ZNF385D: variants seen among roughly 807,000 people sequenced by gnomAD.
ZNF385D encodes the protein zinc finger protein 385D.
A neutral mutation model predicts 35.8 loss-of-function variants in ZNF385D; 15 were observed. The ratio of observed to expected loss-of-function variants is 0.42; its 90% CI spans 0.28 to 0.64. The LOEUF is 0.64. Ranked by LOEUF, ZNF385D falls within the 30% of genes least tolerant of loss-of-function variation. The pLI, the probability that ZNF385D is intolerant of heterozygous loss-of-function variation, is 0.23. For missense variants in ZNF385D, 474 were observed against 494.6 expected, an observed-to-expected ratio of 0.96 and a Z score of 0.39; for synonymous variants, 212 against 186.8, an observed-to-expected ratio of 1.13 and a Z score of -1.10.
intron 3 of ZNF385D, among the ~76,000 whole-genome samples, chr3:22,101,657 G>T (rs1316067140): frequency 1.3e-5 from 2 of 151,818 alleles, no homozygotes; most frequent in Non-Finnish European, 2.9e-5. Flanking sequence ...TAGAACAATA[G>T]GGGCATGTAC....
intron 2 of ZNF385D, among the ~76,000 whole-genome samples, chr3:22,195,587 G>A (rs978146830): frequency 9.9e-5 from 15 of 151,872 alleles, no homozygotes; most frequent in African/African-American, 3.1e-4. Flanking sequence ...CAAACATTAC[G>A]AGTGACTTAC....
intron 3 of ZNF385D, among the ~76,000 whole-genome samples, chr3:21,884,731 G>A (rs751390347): frequency 3.9e-5 from 6 of 151,912 alleles, no homozygotes; most frequent in Non-Finnish European, 5.9e-5. Flanking sequence ...GTGTGCTAAC[G>A]CATAGCTTTT....
chr3:21,909,535 C>T (rs1409857400), intron 3 of ZNF385D, among the ~76,000 whole-genome samples: 1 of 151,964 alleles, frequency 6.6e-6, no homozygotes, highest in South Asian at 2.1e-4. Flanking sequence ...TATTGAGCTC[C>T]ATGTGGCAAG....
chr3:21,692,677 C>T (rs2067321708), intron 1 of ZNF385D, among the ~76,000 whole-genome samples: 1 of 152,208 alleles, frequency 6.6e-6, no homozygotes, highest in Non-Finnish European at 1.5e-5. Flanking sequence ...AACACCTATC[C>T]CTCCCAAAGA....
intron 3 of ZNF385D, among the ~76,000 whole-genome samples, chr3:21,538,172 T>C (rs967735774): frequency 6.6e-6 from 1 of 152,004 alleles, no homozygotes; most frequent in Non-Finnish European, 1.5e-5. Context: ...GCCTTTGGTT[T>C]TGGAAGTTTT....
At chr3:22,039,680 TGCAAATCCAG>T (rs1242755599) in intron 3 of ZNF385D, among the ~76,000 whole-genome samples, 1 of 152,160 alleles carries the variant, frequency 6.6e-6, no homozygotes, top group Admixed American at 6.6e-5. Context: ...TTAAATTCAT[TGCAAATCCAG>T]GCAAATTACA....
chr3:21,556,678 G>T (rs2062753353), intron 3 of ZNF385D, among the ~76,000 whole-genome samples: 1 of 151,674 alleles, frequency 6.6e-6, no homozygotes, highest in Non-Finnish European at 1.5e-5. Context: ...GCTTTGTTCT[G>T]TTCGCTTAGG....
intron 3 of ZNF385D, among the ~76,000 whole-genome samples, chr3:22,079,921 T>A (rs577786077): frequency 6.6e-6 from 1 of 152,102 alleles, no homozygotes; most frequent in East Asian, 1.9e-4. Context: ...TGTATATGTG[T>A]GTACATATAT....
intron 3 of ZNF385D, among the ~76,000 whole-genome samples, chr3:21,798,403 A>T (rs1230237079): frequency 6.6e-6 from 1 of 152,098 alleles, no homozygotes; most frequent in Non-Finnish European, 1.5e-5. Flanking sequence ...TGCTTTTTGT[A>T]TCTCTAGACG....
chr3:21,435,206 GTTTC>G, intron 5 of ZNF385D, among the ~76,000 whole-genome samples: 1 of 145,068 alleles, frequency 6.9e-6, no homozygotes, highest in South Asian at 2.2e-4. Flanking sequence ...TTCCTTCTTT[GTTTC>G]TTTATCAGAT....
chr3:22,253,743 A>G (rs1700175547), intron 2 of ZNF385D, among the ~76,000 whole-genome samples: 1 of 151,972 alleles, frequency 6.6e-6, no homozygotes, highest in Non-Finnish European at 1.5e-5. Context: ...AAATATTGCA[A>G]AAGTGAGCAT....
chr3:22,372,411 C>A (rs932302749), intron 2 of ZNF385D: 5 of 980,802 alleles, frequency 5.1e-6, no homozygotes, highest in Non-Finnish European at 4.8e-6. Context: ...ACGAACTCCG[C>A]CACCTGAACC....
At chr3:22,351,815 C>A (rs1238422309) in intron 2 of ZNF385D, among the ~76,000 whole-genome samples, 1 of 152,054 alleles carries the variant, frequency 6.6e-6, no homozygotes, top group African/African-American at 2.4e-5. Context: ...TGCCCTCCAC[C>A]ATAAAAAGAG....
At chr3:21,690,202 TG>T (rs2067236568) in intron 1 of ZNF385D, among the ~76,000 whole-genome samples, 5 of 152,330 alleles carry the variant, frequency 3.3e-5, no homozygotes, top group East Asian at 3.9e-4. Flanking sequence ...TGTGTTTGTG[TG>T]TGTGCATATA....
rs1219197279 is a variant in ZNF385D at position 22,174,261 on chromosome 3, G to A, written c.107-5226C>T. On this transcript the variant is annotated intron_variant, in intron 2 of 5. Transcript: ENST00000494108. The stretch of plus-strand genomic sequence containing the variant: ...TTTTATCTCAACTTTAACAAGCCAG[G>A]TTACATCGTTTTGTCTATGATTGCC... Among the ~76,000 whole-genome samples the A allele has an allele frequency of 2.6e-5, 4 of 152,048 alleles. No individual in the cohort carries two copies. In the East Asian group the frequency reaches 5.8e-4, roughly 22 times the overall value.
chr3:22,063,946 C>A (rs912050850), intron 3 of ZNF385D, among the ~76,000 whole-genome samples: 1 of 152,186 alleles, frequency 6.6e-6, no homozygotes, highest in African/African-American at 2.4e-5. Flanking sequence ...TCCCTATAAC[C>A]CACAGTTATT....
At chr3:21,614,483 G>T (rs1329972053) in intron 2 of ZNF385D, among the ~76,000 whole-genome samples, 2 of 152,170 alleles carry the variant, frequency 1.3e-5, no homozygotes, top group Non-Finnish European at 2.9e-5. Context: ...GTCCCCTAGG[G>T]GTTCCCTTGA....
chr3:21,897,470 T>C (rs1016630757), intron 3 of ZNF385D, among the ~76,000 whole-genome samples: 6 of 152,212 alleles, frequency 3.9e-5, no homozygotes, highest in South Asian at 2.1e-4. Flanking sequence ...TACGGCATCA[T>C]GTATTTATTT....
intron 4 of ZNF385D, among the ~76,000 whole-genome samples, chr3:21,455,665 C>T (rs1435239510): frequency 1.3e-5 from 2 of 152,116 alleles, no homozygotes; most frequent in African/African-American, 4.8e-5. Flanking sequence ...CCATTCAGGA[C>T]ATAGGCATGG....
Sources: gnomAD v4.1 joint callset for allele counts (sites outside exome capture counted in the v4.1 genomes callset) on GRCh38, gnomAD v4.1.1 for gene constraint, MANE v1.5 for transcripts, NCBI Gene and HGNC (gene_info 2026-07-23, HGNC 2026-07-21) for gene names.